The following HMCN1 variants were observed in gnomAD, a reference collection of about 807,000 sequenced individuals.
HMCN1 encodes the protein hemicentin 1, also known as hemicentin-1.
HMCN1 carries 321 observed loss-of-function variants against 625.9 expected under a neutral mutation model. The observed-to-expected ratio is 0.51, with a 90% CI of 0.47 to 0.56. The LOEUF (loss-of-function observed/expected upper bound fraction) is 0.56. Among genes scored for constraint, HMCN1 ranks in the 20% least tolerant of loss-of-function variants. HMCN1 has a pLI of 0.00. For missense variants in HMCN1, 6,588 were observed against 6,887.3 expected, an observed-to-expected ratio of 0.96 and a Z score of 1.54; for synonymous variants, 2,425 against 2,417.6, an observed-to-expected ratio of 1.00 and a Z score of -0.09.
intron 1 of HMCN1, among the ~76,000 whole-genome samples, chr1:185,798,107 G>A (rs1260661065): frequency 2.0e-5 from 3 of 151,334 alleles, no homozygotes; most frequent in East Asian, 2.0e-4. Flanking sequence ...GTGGTGATGA[G>A]TTTCTTTAGC....
At chr1:185,831,638 T>TA (rs1389751438) in intron 1 of HMCN1, among the ~76,000 whole-genome samples, 2 of 152,192 alleles carry the variant, frequency 1.3e-5, no homozygotes, top group East Asian at 3.9e-4. Context: ...TTAGAAACAG[T>TA]AAAAAATTCA....
rs1247763978 is a variant in HMCN1, at chr1:186,087,715, G to A, written c.9363+70G>A. On this transcript the variant is annotated intron_variant, in intron 60 of 106. Transcript: ENST00000271588. ...GTGGTGGAAAAGATGCTTGGAAGTT[G>A]CATATTCCCTTTTACTACAGTGAAA... The A allele has an allele frequency of 2.8e-6, 4 of 1,417,882 alleles. No individual in the cohort carries two copies. The Admixed American group carries it at 5.0e-5, about 18-fold the overall frequency. The allele number at this position is 1,417,882 out of a possible 1,614,324, so 87.8% of individuals were successfully genotyped here.
At chr1:185,891,762 CTT>C (rs1665103630) in intron 4 of HMCN1, among the ~76,000 whole-genome samples, 1 of 148,098 alleles carries the variant, frequency 6.8e-6, no homozygotes, top group Admixed American at 6.6e-5. Context: ...TTCATTTCAA[CTT>C]TGGTGAATCT....
chr1:186,149,717 T>G (rs779764950), intron 93 of HMCN1, among the ~76,000 whole-genome samples: 6 of 152,172 alleles, frequency 3.9e-5, no homozygotes, highest in Non-Finnish European at 8.8e-5. Flanking sequence ...TTTCCAGCTT[T>G]TGATTTAAAG....
chr1:185,786,583 T>G (rs1223120849), intron 1 of HMCN1, among the ~76,000 whole-genome samples: 3 of 152,226 alleles, frequency 2.0e-5, no homozygotes, highest in Non-Finnish European at 4.4e-5. Context: ...GCCCAGCAGT[T>G]GCAATGGATC....
chr1:185,973,177 C>T (rs186183248), intron 15 of HMCN1, among the ~76,000 whole-genome samples: 172 of 152,216 alleles, frequency 1.1e-3, no homozygotes, highest in Middle Eastern at 6.8e-3. Flanking sequence ...ATCATCCTAA[C>T]GTACACCCAG....
chr1:185,984,316 A>AAG lies in HMCN1; in HGVS notation c.2935+7_2935+8dup, dbSNP rs373061524. On this transcript the variant is annotated splice_donor_region_variant and intron_variant, in intron 19 of 106. Transcript: ENST00000271588. ...AACTACCTCTGTGGTTGTGCATGGT[A>AAG]AGAGACACACCCAATGTTATTGTTT... is the stretch of plus-strand genomic sequence containing the variant. 5.0e-4 allele frequency: 809 copies of AAG among 1,613,884 alleles called. 5 individuals carry two copies. In the African/African-American group the frequency reaches 9.4e-3, roughly 19 times the overall value.
intron 11 of HMCN1, among the ~76,000 whole-genome samples, chr1:185,952,367 G>T (rs1254488486): frequency 1.3e-5 from 2 of 151,112 alleles, no homozygotes; most frequent in Non-Finnish European, 2.9e-5. Context: ...TGGGGAGGAA[G>T]GGAGAGGTCA....
intron 4 of HMCN1, among the ~76,000 whole-genome samples, chr1:185,908,984 A>C (rs973623947): frequency 3.3e-5 from 5 of 151,984 alleles, no homozygotes; most frequent in Non-Finnish European, 7.4e-5. Context: ...AAGGGATTGC[A>C]CATGTTAGCA....
chr1:185,986,543 G>T (rs1652008677), intron 19 of HMCN1, among the ~76,000 whole-genome samples: 1 of 152,132 alleles, frequency 6.6e-6, no homozygotes, highest in African/African-American at 2.4e-5. Context: ...CTGTTTGTGA[G>T]AGTTGGTTCT....
intron 15 of HMCN1, among the ~76,000 whole-genome samples, chr1:185,974,354 C>T (rs1651049743): frequency 6.6e-6 from 1 of 152,096 alleles, no homozygotes; most frequent in Non-Finnish European, 1.5e-5. Context: ...TTATTATATA[C>T]TAAATGATTA....
intron 44 of HMCN1, 22 bp downstream of exon 44, chr1:186,054,008 C>A (rs1204782701): frequency 6.2e-6 from 10 of 1,609,084 alleles, no homozygotes; most frequent in Middle Eastern, 1.7e-4. Flanking sequence ...ATTAGCCAGG[C>A]TTTGGCAAAA....
chr1:186,185,289 G>A (rs760712464), intron 105 of HMCN1, among the ~76,000 whole-genome samples: 2 of 152,178 alleles, frequency 1.3e-5, no homozygotes, highest in East Asian at 1.9e-4. Context: ...AAGATAAAAT[G>A]TGGACAATGA....
At chr1:186,057,831 G>A (rs1449655429) in intron 46 of HMCN1, among the ~76,000 whole-genome samples, 2 of 151,872 alleles carry the variant, frequency 1.3e-5, no homozygotes, top group Admixed American at 1.3e-4. Flanking sequence ...TTCTAAAATG[G>A]GTAGTTTCCT....
intron 55 of HMCN1, 49 bp downstream of exon 55, chr1:186,078,269 T>A (rs1342637015): frequency 7.6e-7 from 1 of 1,319,668 alleles, no homozygotes; most frequent in East Asian, 2.4e-5. Context: ...AAAAGTATTT[T>A]TGAGGAACTA....
chr1:186,138,028 T>TGAAA (rs1375855526), intron 89 of HMCN1, 56 bp downstream of exon 89: 6 of 1,579,938 alleles, frequency 3.8e-6, no homozygotes, highest in Non-Finnish European at 5.2e-6. Context: ...TTAACCCCTA[T>TGAAA]GAAAGAATTA....
At chr1:186,138,066 A>G in intron 89 of HMCN1, 94 bp downstream of exon 89, 1 of 1,324,540 alleles carries the variant, frequency 7.5e-7, no homozygotes, top group Non-Finnish European at 1.1e-6. Flanking sequence ...TCATTGTAAA[A>G]AGATGTTATG....
chr1:186,132,361 A>G lies in HMCN1; in HGVS notation c.13264A>G (p.Thr4422Ala), dbSNP rs760754043. 1 of 1,612,930 alleles carries G rather than the reference A, an allele frequency of 6.2e-7. No individual in the cohort carries two copies. Among genetic ancestry groups the G allele is most frequent in the South Asian group, 1.1e-5 (1 of 90,944 alleles). Residue 4422 changes from threonine (T) to alanine (A), a missense_variant, in exon 86 of 107, where the codon ACC (threonine) becomes GCC (alanine). By Grantham distance (58) the Thr-to-Ala change is moderately conservative. Transcript: ENST00000271588. ...TGCCGGTGACTATACATGTGTAGCT[A>G]CCAATGAAGCTGGGGTGGTGGAGCG... ...EDAGDYTCVA[T>A]NEAGVVERSM...
chr1:185,917,152 A>G (rs1666750416), intron 6 of HMCN1, among the ~76,000 whole-genome samples: 2 of 152,128 alleles, frequency 1.3e-5, no homozygotes. Flanking sequence ...TATTTACACC[A>G]CAGAAATTGA....
Sources: allele counts gnomAD v4.1 joint callset (sites outside exome capture counted in the v4.1 genomes callset), GRCh38; gene constraint gnomAD v4.1.1; transcripts MANE v1.5; gene names NCBI Gene and HGNC (gene_info 2026-07-23, HGNC 2026-07-21).